TAS1R1: variants seen among roughly 807,000 people sequenced by gnomAD.
TAS1R1 encodes taste receptor type 1 member 1.
TAS1R1 carries 31 observed loss-of-function variants against 45.8 expected under a neutral mutation model. The ratio of observed to expected loss-of-function variants is 0.68; its 90% CI spans 0.51 to 0.91. TAS1R1 has a LOEUF of 0.91. Among genes scored for constraint, TAS1R1 ranks in the 40% least tolerant of loss-of-function variants. The pLI is 0.00. For synonymous variants in TAS1R1, 437 were observed against 448.4 expected, an observed-to-expected ratio of 0.97 and a Z score of 0.32; for missense variants, 1,051 against 1,063.9, an observed-to-expected ratio of 0.99 and a Z score of 0.17.
rs1640195307 is a variant in TAS1R1, at chr1:6,576,921, C to T, written c.1474-29C>T. ...GTGAGCTGTCCTTTGACTTGGGCCC[C>T]TACGTGTGGCCCCTCTGGCTTCTTA... On this transcript the variant is annotated intron_variant, in intron 4 of 5. Coordinates refer to ENST00000333172, the MANE Select transcript of TAS1R1 (RefSeq NM_138697.4). 1.4e-5 allele frequency: 23 copies of T among 1,614,184 alleles called. No individual in the cohort carries two copies. In the East Asian group the frequency reaches 5.1e-4, roughly 36 times the overall value.
chr1:6,574,625 C>T lies in TAS1R1; in HGVS notation c.499-6C>T. ...GACTGAAATGGCTGAACGGGACCTC[C>T]CATAGATTAGCTATGCGGCCAGCAG... is the stretch of plus-strand genomic sequence containing the variant. On this transcript the variant is annotated splice_polypyrimidine_tract_variant and splice_region_variant and intron_variant, in intron 2 of 5. Coordinates refer to ENST00000333172, the MANE Select transcript of TAS1R1 (RefSeq NM_138697.4). This position sits in a 1 kb window ranked among gnomAD's most constrained non-coding sequence, Gnocchi z 4.3. 1 of 1,591,026 alleles carries T rather than the reference C, an allele frequency of 6.3e-7. No homozygotes were observed. The highest frequency in any genetic ancestry group is 8.6e-7 in the Non-Finnish European group (1 of 1,166,928).
At position 6,565,345 on chromosome 1, in the gene TAS1R1, C is replaced by T. The variant is rs372321311; in HGVS notation, c.192-5564C>T. Among the ~76,000 whole-genome samples the T allele has an allele frequency of 2.6e-5, 4 of 152,074 alleles. No homozygotes were observed. In the East Asian group the frequency reaches 5.8e-4, roughly 22 times the overall value. On this transcript the variant is annotated intron_variant, in intron 1 of 5. Coordinates refer to ENST00000333172, the MANE Select transcript of TAS1R1 (RefSeq NM_138697.4). ...AGATCTTATAGATTATGTGGGCTGT[C>T]GGTGGTGTCTTGACCGAATGTTGGG...
chr1:6,557,349 T>G (rs1178067598), intron 1 of TAS1R1, among the ~76,000 whole-genome samples: 1 of 152,082 alleles, frequency 6.6e-6, no homozygotes, highest in Non-Finnish European at 1.5e-5. Flanking sequence ...GGGACAGAAG[T>G]GGTAGAAACC....
At chr1:6,569,799 G>A (rs1394157240) in intron 1 of TAS1R1, among the ~76,000 whole-genome samples, 1 of 152,140 alleles carries the variant, frequency 6.6e-6, no homozygotes, top group Non-Finnish European at 1.5e-5. Flanking sequence ...GGGTCTTTCG[G>A]GAATTCAGAG....
chr1:6,563,731 G>A (rs1639827504), intron 1 of TAS1R1, among the ~76,000 whole-genome samples: 1 of 152,074 alleles, frequency 6.6e-6, no homozygotes, highest in Non-Finnish European at 1.5e-5. Flanking sequence ...GGCTACGTGG[G>A]GCAGCCAAGG....
rs764800115 is a variant in TAS1R1, at chr1:6,575,281, G to A, written c.1149G>A (p.Met383Ile). ...TGCCCAAGCTCAAAGCCTTCTCCAT[G>A]AGTTCTGCCTACAACGCATACCGGG... ...HTMPKLKAFS[M>I]SSAYNAYRAV... The change falls in exon 3 of 6, where the codon ATG becomes ATA. Residue 383 changes from methionine to isoleucine, a missense_variant. Physicochemically the swap from Met to Ile is conservative, Grantham distance 10. Transcript: ENST00000333172. 14 of 1,613,226 alleles carry A rather than the reference G, an allele frequency of 8.7e-6. No individual in the cohort carries two copies. The highest frequency in any genetic ancestry group is 1.7e-6 in the Non-Finnish European group (2 of 1,180,030).
chr1:6,557,753 G>T (rs1428941110), intron 1 of TAS1R1, among the ~76,000 whole-genome samples: 1 of 152,150 alleles, frequency 6.6e-6, no homozygotes, highest in Non-Finnish European at 1.5e-5. Flanking sequence ...AAGTTTTTTT[G>T]AGCTGGGATC....
At chr1:6,577,556 G>A (rs999635308) in intron 5 of TAS1R1, among the ~76,000 whole-genome samples, 2 of 150,080 alleles carry the variant, frequency 1.3e-5, no homozygotes, top group East Asian at 2.0e-4. Flanking sequence ...CGGGCGCGGT[G>A]GCTCACACCT....
rs1273748463 is a variant in TAS1R1, at chr1:6,574,613, G to C, written c.499-18G>C. 1.3e-6 allele frequency: 2 copies of C among 1,578,486 alleles called. No individual in the cohort carries two copies. Among genetic ancestry groups the C allele is most frequent in the African/African-American group, 1.3e-5 (1 of 74,568 alleles). On this transcript the variant is annotated intron_variant, in intron 2 of 5. Coordinates refer to ENST00000333172, the MANE Select transcript of TAS1R1 (RefSeq NM_138697.4). The surrounding 1 kb of genome is among the most constrained non-coding windows in gnomAD (Gnocchi z 4.3). ...GCCTTCAGTGGAGACTGAAATGGCT[G>C]AACGGGACCTCCCATAGATTAGCTA...
chr1:6,575,512 TTTTTG>T (rs747903185), intron 3 of TAS1R1, 120 bp downstream of exon 3: 110 of 1,225,878 alleles, frequency 9.0e-5, no homozygotes, highest in South Asian at 4.6e-4. Context: ...AACTTGAGGT[TTTTTG>T]TTTTGTTTTG....
Position 6,579,435 on chromosome 1 carries a change from A to T in TAS1R1, c.2377A>T (p.Met793Leu). 1 of 1,614,068 alleles carries T rather than the reference A, an allele frequency of 6.2e-7. No individual in the cohort carries two copies. The highest frequency in any genetic ancestry group is 8.5e-7 in the Non-Finnish European group (1 of 1,180,020). Residue 793 changes from methionine to leucine, a missense_variant, in exon 6 of 6, where the codon ATG becomes TTG. Transcript: ENST00000333172. Reference sequence around the variant, plus strand: ...CGGCAAGTACCTGCCTGCGGCCAACATGATGGCTGGGCTGAGCAGCCTGAG... The same window carrying T: ...CGGCAAGTACCTGCCTGCGGCCAACTTGATGGCTGGGCTGAGCAGCCTGAG... ...YDGKYLPAAN[M>L]MAGLSSLSSG... is the part of the protein sequence containing the mutation.
chr1:6,564,987 C>A (rs576603875), intron 1 of TAS1R1, among the ~76,000 whole-genome samples: 2 of 150,320 alleles, frequency 1.3e-5, no homozygotes, highest in Admixed American at 6.6e-5. Context: ...TCTCTTAGTG[C>A]GGTGAATAGG....
rs1305844485 is a variant in TAS1R1, at chr1:6,574,829, A to G, written c.697A>G (p.Thr233Ala). 1.2e-6 allele frequency: 2 copies of G among 1,614,256 alleles called. No individual in the cohort carries two copies. The highest frequency in any genetic ancestry group is 8.5e-7 in the Non-Finnish European group (1 of 1,180,044). Residue 233 changes from threonine to alanine, a missense_variant, in exon 3 of 6, where the codon ACT becomes GCT. Physicochemically the swap from Thr to Ala is moderately conservative, Grantham distance 58. Coordinates refer to ENST00000333172, the MANE Select transcript of TAS1R1 (RefSeq NM_138697.4). This position sits in a 1 kb window ranked among gnomAD's most constrained non-coding sequence, Gnocchi z 4.3. Reference sequence around the variant, plus strand: ...GGTGCAGGCACTGGAGAACCAGGCCACTGGTCAGGGGATCTGCATTGCTTT... The same window carrying G: ...GGTGCAGGCACTGGAGAACCAGGCCGCTGGTCAGGGGATCTGCATTGCTTT... ...LGVQALENQA[T>A]GQGICIAFKD...
Position 6,561,888 on chromosome 1 carries a change from G to A in TAS1R1, c.191+6324G>A, listed in dbSNP as rs201608070. Among the ~76,000 whole-genome samples, 33 of 152,264 alleles carry A rather than the reference G, an allele frequency of 2.2e-4. No homozygotes were observed. The East Asian group carries it at 5.2e-3, about 24-fold the overall frequency. ...GGGGGCTACGAGGTCCAGTGGAGTT[G>A]AAGGAATAAGAAAAGACAAAAGAGA... On this transcript the variant is annotated intron_variant, in intron 1 of 5. Coordinates refer to ENST00000333172, the MANE Select transcript of TAS1R1 (RefSeq NM_138697.4).
chr1:6,575,887 G>T (rs751440433), intron 3 of TAS1R1, among the ~76,000 whole-genome samples: 12 of 151,902 alleles, frequency 7.9e-5, no homozygotes, highest in Non-Finnish European at 1.6e-4. Context: ...GTAGAGACGG[G>T]GTTTCACCAT....
intron 3 of TAS1R1, 21 bp from the exon 4 acceptor site, chr1:6,576,394 C>G (rs1640172509): frequency 6.2e-7 from 1 of 1,613,572 alleles, no homozygotes; most frequent in Non-Finnish European, 8.5e-7. Context: ...GTGGTGGCTT[C>G]ATGATACGCG....
In TAS1R1 at chr1:6,579,402, G is replaced by A. The variant is rs748336824; in HGVS notation, c.2344G>A (p.Val782Ile). 2.4e-5 allele frequency: 39 copies of A among 1,613,792 alleles called. No individual in the cohort carries two copies. The highest frequency in any genetic ancestry group is 4.0e-5 in the African/African-American group (3 of 74,948). ...GATCGCCTTCTTCACCACGGCCAGC[G>A]TCTACGACGGCAAGTACCTGCCTGC... is the stretch of plus-strand genomic sequence containing the variant. ...SWIAFFTTAS[V>I]YDGKYLPAAN... The change falls in exon 6 of 6, where the codon GTC becomes ATC. Residue 782 changes from valine to isoleucine, a missense_variant. By Grantham distance (29) the Val-to-Ile change is conservative (BLOSUM62 3). Coordinates refer to ENST00000333172, the MANE Select transcript of TAS1R1 (RefSeq NM_138697.4).
Position 6,574,441 on chromosome 1 carries a change from C to T in TAS1R1, c.499-190C>T, listed in dbSNP as rs563336196. On this transcript the variant is annotated intron_variant, in intron 2 of 5. Coordinates refer to ENST00000333172, the MANE Select transcript of TAS1R1 (RefSeq NM_138697.4). The surrounding 1 kb of genome is among the most constrained non-coding windows in gnomAD (Gnocchi z 4.3). ...GGAATGCATCCCCTCACCCCTTGTC[C>T]CCAGGCAGATTCCCACCCCTCCCCC... Among the ~76,000 whole-genome samples, 2 of 152,290 alleles carry T rather than the reference C, an allele frequency of 1.3e-5. No individual in the cohort carries two copies. The highest frequency in any genetic ancestry group is 3.9e-4 in the East Asian group (2 of 5,184).
rs1164723751 is a variant in TAS1R1, at chr1:6,579,354, C to T, written c.2296C>T (p.Leu766=). 2.5e-6 allele frequency: 4 copies of T among 1,614,094 alleles called. No homozygotes were observed. The highest frequency in any genetic ancestry group is 3.4e-6 in the Non-Finnish European group (4 of 1,180,050). Residue 766 remains leucine, a synonymous_variant, in exon 6 of 6, where the codon CTG becomes TTG. Transcript: ENST00000333172. The part of the protein sequence containing the change: ...YNEAKCVTFS[L]LFNFVSWIAF... Reference sequence around the variant, plus strand: ...CGAGGCCAAATGTGTCACCTTCAGCCTGCTCTTCAACTTCGTGTCCTGGAT... The same window carrying T: ...CGAGGCCAAATGTGTCACCTTCAGCTTGCTCTTCAACTTCGTGTCCTGGAT...
Sources: allele counts gnomAD v4.1 joint callset (sites outside exome capture counted in the v4.1 genomes callset), GRCh38; gene constraint gnomAD v4.1.1; non-coding constraint Gnocchi (gnomAD v3.1); transcripts MANE v1.5; gene names NCBI Gene and HGNC (gene_info 2026-07-23, HGNC 2026-07-21).